The following ZNF385B variants were observed in gnomAD, a reference collection of about 807,000 sequenced individuals.
The protein encoded by ZNF385B is zinc finger protein 533.
A neutral mutation model predicts 39.2 loss-of-function variants in ZNF385B; 23 were observed. That is an observed-to-expected ratio of 0.59 (90% CI 0.42 to 0.83). The LOEUF (loss-of-function observed/expected upper bound fraction) is 0.83. Among genes scored for constraint, ZNF385B ranks in the 40% least tolerant of loss-of-function variants. The pLI is 0.00. For missense variants in ZNF385B, 552 were observed against 598.9 expected (o/e 0.92, Z 0.82); for synonymous variants, 205 against 222.6 (o/e 0.92, Z 0.70).
chr2:179,503,002 G>C (rs1239743306), intron 5 of ZNF385B, among the ~76,000 whole-genome samples: 1 of 152,090 alleles, frequency 6.6e-6, no homozygotes, highest in African/African-American at 2.4e-5. Flanking sequence ...AGCCTACCAA[G>C]TAGCTGGGAC....
intron 1 of ZNF385B, among the ~76,000 whole-genome samples, chr2:179,842,893 A>G (rs761260523): frequency 5.9e-5 from 9 of 152,182 alleles, no homozygotes; most frequent in Non-Finnish European, 1.2e-4. Flanking sequence ...TTAAAAGGAA[A>G]CTGATGGACT....
At chr2:179,848,199 T>C (rs1034744677) in intron 1 of ZNF385B, among the ~76,000 whole-genome samples, 5 of 152,208 alleles carry the variant, frequency 3.3e-5, no homozygotes, top group Non-Finnish European at 5.9e-5. Context: ...ATTTCCACTC[T>C]GCTAGCAGGC....
intron 6 of ZNF385B, among the ~76,000 whole-genome samples, chr2:179,449,463 A>T (rs1233842945): frequency 6.6e-6 from 1 of 152,144 alleles, no homozygotes. Flanking sequence ...AATAACAGAC[A>T]AACAGAGAGC....
intron 3 of ZNF385B, among the ~76,000 whole-genome samples, chr2:179,554,437 A>G (rs1323174282): frequency 2.0e-5 from 3 of 149,350 alleles, no homozygotes; most frequent in Non-Finnish European, 4.4e-5. Flanking sequence ...CAAAAAGTAT[A>G]GAGAAAACAG....
At chr2:179,512,497 TTTTC>T (rs1404361045) in intron 5 of ZNF385B, among the ~76,000 whole-genome samples, 6 of 152,176 alleles carry the variant, frequency 3.9e-5, no homozygotes, top group Non-Finnish European at 8.8e-5. Flanking sequence ...TCTCAAAAAA[TTTTC>T]TGAAGTGTAT....
At chr2:179,715,912 G>C (rs926368719) in intron 3 of ZNF385B, among the ~76,000 whole-genome samples, 6 of 151,984 alleles carry the variant, frequency 3.9e-5, no homozygotes, top group Admixed American at 1.3e-4. Flanking sequence ...TTAAAAATGT[G>C]GGAGTGGTAT....
intron 3 of ZNF385B, among the ~76,000 whole-genome samples, chr2:179,645,006 G>A (rs1342051737): frequency 1.3e-5 from 2 of 152,076 alleles, no homozygotes; most frequent in African/African-American, 4.8e-5. Context: ...ATTATTTATT[G>A]GCAAGAGATG....
intron 3 of ZNF385B, among the ~76,000 whole-genome samples, chr2:179,648,358 G>A (rs770921709): frequency 2.0e-5 from 3 of 152,134 alleles, no homozygotes; most frequent in Non-Finnish European, 2.9e-5. Context: ...TCTTGGAGAA[G>A]TTATAAATAG....
intron 1 of ZNF385B, among the ~76,000 whole-genome samples, chr2:179,785,955 G>A (rs1704970708): frequency 6.6e-6 from 1 of 152,114 alleles, no homozygotes; most frequent in South Asian, 2.1e-4. Flanking sequence ...GAAATCTTTT[G>A]TGAAAGAAAG....
chr2:179,678,016 T>A (rs369958612), intron 3 of ZNF385B, among the ~76,000 whole-genome samples: 1 of 151,998 alleles, frequency 6.6e-6, no homozygotes. Context: ...TATAAATAGC[T>A]CTTTTTTTTT....
intron 3 of ZNF385B, among the ~76,000 whole-genome samples, chr2:179,670,497 A>AAACAAACAAAC (rs370109614): frequency 0.14 from 18,965 of 137,406 alleles, 1,800 homozygotes; most frequent in African/African-American, 0.28. Context: ...AAACAAACAA[A>AAACAAACAAAC]AAAAAATAGG....
intron 1 of ZNF385B, among the ~76,000 whole-genome samples, chr2:179,823,658 T>C (rs139578124): frequency 9.2e-5 from 14 of 152,284 alleles, no homozygotes; most frequent in African/African-American, 3.4e-4. Context: ...AATTTTCCTA[T>C]AAATATGCAT....
intron 1 of ZNF385B, among the ~76,000 whole-genome samples, chr2:179,793,944 T>C (rs10167236): frequency 0.013 from 2,032 of 152,380 alleles, 41 homozygotes; most frequent in African/African-American, 0.045. Flanking sequence ...ATGTCAATGT[T>C]AGCTATTATA....
chr2:179,623,192 C>T lies in ZNF385B; in HGVS notation c.299-78223G>A, dbSNP rs146577357. On this transcript the variant is annotated intron_variant, in intron 3 of 9. Transcript: ENST00000410066. ...TTCACTGGATTGCCTTTTCTAGGTCCGGAGAATTTAGCTCCAAAAATCAAT... is the reference window on the plus strand; with the variant it reads ...TTCACTGGATTGCCTTTTCTAGGTCTGGAGAATTTAGCTCCAAAAATCAAT... 8.0e-4 allele frequency among the ~76,000 whole-genome samples: 122 copies of T among 151,930 alleles called. 1 individual carries two copies. The East Asian group carries it at 0.017, about 21-fold the overall frequency.
chr2:179,735,289 C>G (rs1053652108), intron 3 of ZNF385B, among the ~76,000 whole-genome samples: 1 of 149,146 alleles, frequency 6.7e-6, no homozygotes, highest in African/African-American at 2.5e-5. Flanking sequence ...AATTGCTCAT[C>G]ATCACTGGCC....
chr2:179,523,119 G>A (rs1396604741), intron 4 of ZNF385B, among the ~76,000 whole-genome samples: 1 of 152,130 alleles, frequency 6.6e-6, no homozygotes, highest in African/African-American at 2.4e-5. Flanking sequence ...ACCTATTAGT[G>A]CAATTAACTG....
Position 179,766,030 on chromosome 2 carries a change from T to TCACACACACACACACACACA in ZNF385B, c.298+3453_298+3472dup, listed in dbSNP as rs71029829. Among the ~76,000 whole-genome samples, 123 of 140,924 alleles carry TCACACACACACACACACACA rather than the reference T, an allele frequency of 8.7e-4. 1 individual carries two copies. Among genetic ancestry groups the TCACACACACACACACACACA allele is most frequent in the Middle Eastern group, 7.3e-3 (2 of 274 alleles). 92.5% of individuals were successfully genotyped at this position (140,924 alleles called of 152,430 possible). A position where few individuals can be genotyped will look rare whatever the true frequency, so the allele number is the denominator to read the frequency against. ...TCCCTTGCTCACTTTGGTACATTGA[T>TCACACACACACACACACACA]CACACACACACACACACACACACAC... On this transcript the variant is annotated intron_variant, in intron 3 of 9. Coordinates refer to ENST00000410066, the MANE Select transcript of ZNF385B (RefSeq NM_152520.6).
Position 179,758,166 on chromosome 2 carries a change from T to A in ZNF385B, c.298+11337A>T, listed in dbSNP as rs552738711. On this transcript the variant is annotated intron_variant, in intron 3 of 9. Coordinates refer to ENST00000410066, the MANE Select transcript of ZNF385B (RefSeq NM_152520.6). ...TTGAATCACAAGGCAGGGTCTATTT[T>A]TCCACCCCTCTAATTTGAGCTGGCA... Among the ~76,000 whole-genome samples, 3 of 152,322 alleles carry A rather than the reference T, an allele frequency of 2.0e-5. No homozygotes were observed. The South Asian group carries it at 6.2e-4, about 32-fold the overall frequency.
intron 5 of ZNF385B, among the ~76,000 whole-genome samples, chr2:179,483,685 T>C (rs1255035109): frequency 6.6e-6 from 1 of 152,178 alleles, no homozygotes; most frequent in East Asian, 1.9e-4. Context: ...GACAAAAGGA[T>C]TAGGGCAAAA....
Sources: allele counts gnomAD v4.1 joint callset (sites outside exome capture counted in the v4.1 genomes callset), GRCh38; gene constraint gnomAD v4.1.1; transcripts MANE v1.5; gene names NCBI Gene and HGNC (gene_info 2026-07-23, HGNC 2026-07-21).